DAPK1: variants seen among roughly 807,000 people sequenced by gnomAD.
DAPK1 encodes the protein death associated protein kinase 1.
Under a neutral mutation model 144.9 loss-of-function variants are expected in DAPK1, and 56 were observed. The ratio of observed to expected loss-of-function variants is 0.39; its 90% confidence interval spans 0.31 to 0.48. DAPK1 has a LOEUF of 0.48. DAPK1 is among the 20% of genes least tolerant of loss of function. DAPK1 has a pLI of 0.95. For synonymous variants in DAPK1, 690 were observed against 749.0 expected (o/e 0.92, Z 1.29); for missense variants, 1,454 against 1,875.4 (o/e 0.78, Z 4.15).
In DAPK1 at chr9:87,597,890, C is replaced by T. The variant is rs562665550; in HGVS notation, c.63-7064C>T. ...CACACCTTCTTCCACTCCTGACTCACGCTCAGCCTTCAGGGCACAGCCTAG... is the reference window on the plus strand; with the variant it reads ...CACACCTTCTTCCACTCCTGACTCATGCTCAGCCTTCAGGGCACAGCCTAG... On this transcript the variant is annotated intron_variant, in intron 2 of 25. Transcript: ENST00000408954. Among the ~76,000 whole-genome samples the T allele has an allele frequency of 1.5e-3, 233 of 152,320 alleles. 1 individual carries two copies. Among genetic ancestry groups the T allele is most frequent in the African/African-American group, 5.3e-3 (221 of 41,570 alleles).
intron 2 of DAPK1, among the ~76,000 whole-genome samples, chr9:87,587,672 C>A (rs976533963): frequency 1.3e-5 from 2 of 152,218 alleles, no homozygotes; most frequent in African/African-American, 4.8e-5. Flanking sequence ...ATCAATACTT[C>A]AGTATTTCAT....
At chr9:87,625,244 A>C (rs1398693642) in intron 3 of DAPK1, among the ~76,000 whole-genome samples, 3 of 152,218 alleles carry the variant, frequency 2.0e-5, no homozygotes, top group African/African-American at 7.2e-5. Flanking sequence ...TTTTCTAACT[A>C]AGAGTTGTCC....
rs1825652556 is a variant in DAPK1 at position 87,706,689 on chromosome 9, C to G, written c.3618C>G (p.Ile1206Met). 6.2e-7 allele frequency: 1 copy of G among 1,611,854 alleles called. No homozygotes were observed. The highest frequency in any genetic ancestry group is 8.5e-7 in the Non-Finnish European group (1 of 1,178,762). ...TCCGCGGCCTGGAGACGGAGAAGAT[C>G]AAGTGCTGCCTGCTGCTGGACTCGG... ...VQVRGLETEK[I>M]KCCLLLDSVC... The change falls in exon 26 of 26, where the codon ATC becomes ATG. Residue 1206 changes from isoleucine to methionine, a missense_variant. Physicochemically the swap from Ile to Met is conservative, Grantham distance 10. Transcript: ENST00000408954. The surrounding 1 kb of genome is among the most constrained non-coding windows in gnomAD (Gnocchi z 9.0).
At chr9:87,516,830 T>C (rs1227274340) in intron 2 of DAPK1, among the ~76,000 whole-genome samples, 1 of 152,052 alleles carries the variant, frequency 6.6e-6, no homozygotes, top group African/African-American at 2.4e-5. Context: ...TTGGAGGATA[T>C]TGTGCAAAAG....
chr9:87,548,037 C>G lies in DAPK1; in HGVS notation c.62+48898C>G, dbSNP rs145897305. ...TGGATTCATTCGGCATGTACAGGGC[C>G]GGGCATTATTCTAAGCACTTCACTG... is the stretch of plus-strand genomic sequence containing the variant. On this transcript the variant is annotated intron_variant, in intron 2 of 25. Coordinates refer to ENST00000408954, the MANE Select transcript of DAPK1 (RefSeq NM_004938.4). 7.7e-3 allele frequency among the ~76,000 whole-genome samples: 1,166 copies of G among 152,256 alleles called. 6 individuals carry two copies. The highest frequency in any genetic ancestry group is 0.014 in the Middle Eastern group (4 of 294).
chr9:87,559,672 G>C (rs1421102780), intron 2 of DAPK1, among the ~76,000 whole-genome samples: 1 of 152,066 alleles, frequency 6.6e-6, no homozygotes, highest in African/African-American at 2.4e-5. Context: ...GCCCCTCCTA[G>C]GTACTAAGCA....
rs1825287795 is a variant in DAPK1, at chr9:87,697,108, G to A, written c.2515G>A (p.Val839Ile). 3 of 1,556,864 alleles carry A rather than the reference G, an allele frequency of 1.9e-6. No homozygotes were observed. Among genetic ancestry groups the A allele is most frequent in the South Asian group, 2.2e-5 (2 of 89,954 alleles). Reference sequence around the variant, plus strand: ...TGATCCCACGTCAATCCATGTTGTTGTCTTTAGTCTAGAAGAGCCCTATGA... The same window carrying A: ...TGATCCCACGTCAATCCATGTTGTTATCTTTAGTCTAGAAGAGCCCTATGA... ...ANDPTSIHVV[V>I]FSLEEPYEIQ... The change falls in exon 22 of 26, where the codon GTC (valine) becomes ATC (isoleucine). Residue 839 changes from valine to isoleucine, a missense_variant. By Grantham distance (29) the Val-to-Ile change is conservative. Around this residue, in one of 2 missense-constraint regions of DAPK1, gnomAD observed 1,025 missense variants for 1,237.9 expected, o/e 0.83. Transcript: ENST00000408954.
chr9:87,661,767 A>G, intron 18 of DAPK1, among the ~76,000 whole-genome samples: 1 of 152,140 alleles, frequency 6.6e-6, no homozygotes, highest in East Asian at 1.9e-4. Flanking sequence ...ATTTTCTCTC[A>G]TTCTGCAAGT....
At chr9:87,675,663 G>T (rs1057345927) in intron 19 of DAPK1, among the ~76,000 whole-genome samples, 1 of 151,968 alleles carries the variant, frequency 6.6e-6, no homozygotes, top group African/African-American at 2.4e-5. Flanking sequence ...GGTCAGGATG[G>T]GGAGCAGAGG....
intron 2 of DAPK1, among the ~76,000 whole-genome samples, chr9:87,593,617 A>C (rs17053193): frequency 0.047 from 7,155 of 152,190 alleles, 574 homozygotes; most frequent in African/African-American, 0.16. Flanking sequence ...TCTTCCCCGT[A>C]TTGAATCTTA....
chr9:87,625,898 C>T (rs3095755), intron 3 of DAPK1, among the ~76,000 whole-genome samples: 39,295 of 152,050 alleles, frequency 0.26, 5,809 homozygotes, highest in Non-Finnish European at 0.34. Flanking sequence ...GAGATCAAGG[C>T]GTGGGTATCC....
chr9:87,560,668 T>A (rs1485722010), intron 2 of DAPK1, among the ~76,000 whole-genome samples: 2 of 17,800 alleles, frequency 1.1e-4, no homozygotes, highest in Non-Finnish European at 1.1e-4. Context: ...CAGAACGTAC[T>A]TTTTTTTTTT....
intron 20 of DAPK1, among the ~76,000 whole-genome samples, chr9:87,684,519 G>A (rs1824764323): frequency 6.6e-6 from 1 of 152,210 alleles, no homozygotes; most frequent in Non-Finnish European, 1.5e-5. Context: ...AACGCTGGAG[G>A]CCAAGGCTGA....
chr9:87,526,383 C>G (rs1825509879), intron 2 of DAPK1, among the ~76,000 whole-genome samples: 1 of 152,186 alleles, frequency 6.6e-6, no homozygotes, highest in Non-Finnish European at 1.5e-5. Context: ...GTCTCCTTTT[C>G]AAGACAGACA....
rs766150962 is a variant in DAPK1 at position 87,706,490 on chromosome 9, T to A, written c.3419T>A (p.Phe1140Tyr). The change falls in exon 26 of 26, where the codon TTC becomes TAC. Residue 1140 changes from phenylalanine to tyrosine, a missense_variant. Coordinates refer to ENST00000408954, the MANE Select transcript of DAPK1 (RefSeq NM_004938.4). This position sits in a 1 kb window ranked among gnomAD's most constrained non-coding sequence, Gnocchi z 9.0. ...RIVPVEHLTPFPCGIFHKVQV... is the reference protein window; with the variant it reads ...RIVPVEHLTPYPCGIFHKVQV... ...GTGCCCGTGGAACACCTCACCCCCT[T>A]CCCATGTGGCATCTTTCACAAGGTC... The A allele has an allele frequency of 6.2e-7, 1 of 1,613,886 alleles. No individual in the cohort carries two copies. Among genetic ancestry groups the A allele is most frequent in the Non-Finnish European group, 8.5e-7 (1 of 1,179,846 alleles).
At chr9:87,658,753 A>G (rs928673136) in intron 18 of DAPK1, among the ~76,000 whole-genome samples, 1 of 152,340 alleles carries the variant, frequency 6.6e-6, no homozygotes, top group Admixed American at 6.5e-5. Flanking sequence ...CTAATGAGGT[A>G]TGGTTGCAAT....
rs919579474 is a variant in DAPK1, at chr9:87,660,330, G to A, written c.1923+2203G>A. On this transcript the variant is annotated intron_variant, in intron 18 of 25. Transcript: ENST00000408954. ...CAGACTGGAGGGCATTACTGGGGGC[G>A]TCGCCCTCAGAAACGTGACCACACC... is the stretch of plus-strand genomic sequence containing the variant. Among the ~76,000 whole-genome samples, 16 of 152,120 alleles carry A rather than the reference G, an allele frequency of 1.1e-4. No homozygotes were observed. The East Asian group carries it at 1.4e-3, about 13-fold the overall frequency.
intron 24 of DAPK1, among the ~76,000 whole-genome samples, chr9:87,701,652 G>A (rs971002036): frequency 1.3e-5 from 2 of 151,882 alleles, no homozygotes; most frequent in African/African-American, 4.8e-5. Flanking sequence ...TCCTGCTGCC[G>A]AGGCCTGAGG....
chr9:87,589,117 C>T (rs1453934204), intron 2 of DAPK1, among the ~76,000 whole-genome samples: 1 of 134,864 alleles, frequency 7.4e-6, no homozygotes, highest in African/African-American at 2.9e-5. Context: ...CCATGTTGGT[C>T]AGGCTAGTCT....
Sources: gnomAD v4.1 joint callset for allele counts (sites outside exome capture counted in the v4.1 genomes callset) on GRCh38, gnomAD v4.1.1 for gene constraint, gnomAD v4.1.1 regional missense constraint, Gnocchi (gnomAD v3.1) non-coding constraint, MANE v1.5 for transcripts, NCBI Gene and HGNC (gene_info 2026-07-23, HGNC 2026-07-21) for gene names.